Variants in PICK1 observed in about 807,000 individuals in gnomAD.
PICK1 encodes PRKCA-binding protein.
In PICK1, 23 loss-of-function variants were observed where a neutral mutation model predicts 48.9. The ratio of observed to expected loss-of-function variants is 0.47; its 90% confidence interval spans 0.34 to 0.67. The LOEUF (loss-of-function observed/expected upper bound fraction) is 0.67, where lower values mean the gene tolerates loss of function less well. Ranked by LOEUF, PICK1 falls within the 30% of genes least tolerant of loss-of-function variation. The pLI is 0.01. For missense variants in PICK1, 423 were observed against 557.1 expected, an observed-to-expected ratio of 0.76 and a Z score of 2.42; for synonymous variants, 217 against 228.2, an observed-to-expected ratio of 0.95 and a Z score of 0.44.
chr22:38,067,629 C>A, intron 4 of PICK1, 75 bp from the exon 5 acceptor site: 5 of 1,353,222 alleles, frequency 3.7e-6, no homozygotes, highest in Non-Finnish European at 5.3e-6. Flanking sequence ...GAGTCTCAGT[C>A]CAGAACAGTC....
At position 38,073,944 on chromosome 22, in the gene PICK1, G is replaced by C; in HGVS notation, c.834+121G>C. The C allele has an allele frequency of 1.9e-6, 2 of 1,028,856 alleles. No homozygotes were observed. The highest frequency in any genetic ancestry group is 1.5e-6 in the Non-Finnish European group (1 of 663,056). The allele number at this position is 1,028,856 out of a possible 1,614,324, so 63.7% of individuals were successfully genotyped here. Reference sequence around the variant, plus strand: ...ACTTGGCTGGACTCTCGTTCCTGGAGATTTAGGGCCATCTTCCCAGTCCCG... The same window carrying C: ...ACTTGGCTGGACTCTCGTTCCTGGACATTTAGGGCCATCTTCCCAGTCCCG... On this transcript the variant is annotated intron_variant, in intron 11 of 12. Transcript: ENST00000356976. This position sits in a 1 kb window ranked among gnomAD's most constrained non-coding sequence, Gnocchi z 5.7.
chr22:38,072,640 G>A (rs746224419), intron 9 of PICK1, 30 bp downstream of exon 9: 1 of 1,611,200 alleles, frequency 6.2e-7, no homozygotes, highest in Non-Finnish European at 8.5e-7. Flanking sequence ...TGTGTGTCTG[G>A]CGTGTGAGGG....
rs749254917 is a variant in PICK1 at position 38,071,646 on chromosome 22, G to A, written c.494-36G>A. 8.1e-6 allele frequency: 13 copies of A among 1,595,378 alleles called. No individual in the cohort carries two copies. In the African/African-American group the frequency reaches 1.2e-4, roughly 15 times the overall value. On this transcript the variant is annotated intron_variant, in intron 7 of 12. Transcript: ENST00000356976. ...CCTGGGCCAGTGTGGTCCCCGCCATGCGTCCCCATTCCGCATCACTCGGTC... is the reference window on the plus strand; with the variant it reads ...CCTGGGCCAGTGTGGTCCCCGCCATACGTCCCCATTCCGCATCACTCGGTC...
chr22:38,067,203 G>C (rs546687564), intron 4 of PICK1, among the ~76,000 whole-genome samples: 51 of 152,248 alleles, frequency 3.3e-4, no homozygotes, highest in Non-Finnish European at 7.1e-4. Flanking sequence ...TGATTCCCCA[G>C]GGCTTGGATG....
intron 4 of PICK1, 106 bp downstream of exon 4, chr22:38,065,236 C>A: frequency 9.1e-7 from 1 of 1,101,222 alleles, no homozygotes; most frequent in Non-Finnish European, 1.4e-6. Flanking sequence ...TCAGCCCTCA[C>A]CGCCCCCTTC....
intron 2 of PICK1, 122 bp downstream of exon 2, chr22:38,057,972 G>A: frequency 1.2e-6 from 1 of 808,308 alleles, no homozygotes; most frequent in Non-Finnish European, 2.2e-6. Flanking sequence ...TACTGAAGCA[G>A]CAATGGACCC....
chr22:38,070,083 C>G (rs557868749), intron 6 of PICK1, among the ~76,000 whole-genome samples: 2 of 152,206 alleles, frequency 1.3e-5, no homozygotes, highest in Non-Finnish European at 2.9e-5. Context: ...GAATTGCTCC[C>G]TTCCTTCCCC....
chr22:38,058,598 T>C (rs1481539541), intron 2 of PICK1, among the ~76,000 whole-genome samples: 1 of 152,172 alleles, frequency 6.6e-6, no homozygotes, highest in African/African-American at 2.4e-5. Context: ...GTGCCTGCTA[T>C]GGACTGGGTT....
chr22:38,064,597 A>G (rs1351329727), intron 3 of PICK1, among the ~76,000 whole-genome samples: 3 of 151,994 alleles, frequency 2.0e-5, no homozygotes, highest in African/African-American at 4.8e-5. Flanking sequence ...CCCTGTCTCT[A>G]CTAAAGATAC....
intron 3 of PICK1, among the ~76,000 whole-genome samples, chr22:38,063,735 C>G (rs2145864007): frequency 6.7e-6 from 1 of 148,608 alleles, no homozygotes. Flanking sequence ...CTCTGTTTCC[C>G]AGGCTCAAGC....
chr22:38,062,303 A>T (rs1373638508), intron 3 of PICK1, among the ~76,000 whole-genome samples: 7 of 149,944 alleles, frequency 4.7e-5, no homozygotes, highest in African/African-American at 1.5e-4. Flanking sequence ...GCTGGAGTGC[A>T]ATGGCGTGAT....
rs760051335 is a variant in PICK1, at chr22:38,074,289, G to T, written c.835-18G>T. 3.1e-6 allele frequency: 5 copies of T among 1,612,154 alleles called. No individual in the cohort carries two copies. The South Asian group carries it at 3.3e-5, about 11-fold the overall frequency. ...AGGCCGTCCCTGAGCAGGCACTCCT[G>T]TCCCACCCCCGCCCCAGGCCCTAGG... On this transcript the variant is annotated intron_variant, in intron 11 of 12. Coordinates refer to ENST00000356976, the MANE Select transcript of PICK1 (RefSeq NM_012407.4). The surrounding 1 kb of genome is among the most constrained non-coding windows in gnomAD (Gnocchi z 4.5).
rs1346016450 is a variant in PICK1, at chr22:38,066,026, C to T, written c.282+896C>T. On this transcript the variant is annotated intron_variant, in intron 4 of 12. Coordinates refer to ENST00000356976, the MANE Select transcript of PICK1 (RefSeq NM_012407.4). The surrounding 1 kb of genome is among the most constrained non-coding windows in gnomAD (Gnocchi z 4.1). ...TGCTCCATCCTCTCTCCCCTTTATC[C>T]TCCTGTCCTGCTCCTGAGTAGTCCG... Among the ~76,000 whole-genome samples the T allele has an allele frequency of 1.3e-5, 2 of 152,206 alleles. No homozygotes were observed. Among genetic ancestry groups the T allele is most frequent in the Non-Finnish European group, 2.9e-5 (2 of 68,040 alleles).
intron 5 of PICK1, chr22:38,068,097 A>G (rs1457039249): frequency 2.0e-6 from 1 of 502,528 alleles, no homozygotes; most frequent in Admixed American, 2.3e-5. Context: ...TCCATGGCCC[A>G]GGGCCTCACT....
chr22:38,074,999 G>T lies in PICK1; in HGVS notation c.1115G>T (p.Gly372Val). The T allele has an allele frequency of 6.2e-7, 1 of 1,613,666 alleles. No homozygotes were observed. Among genetic ancestry groups the T allele is most frequent in the East Asian group, 2.2e-5 (1 of 44,870 alleles). The change falls in exon 13 of 13, where the codon GGC (glycine) becomes GTC (valine). Residue 372 changes from glycine (G) to valine (V), a missense_variant. This residue lies in a region of PICK1 where 144 missense variants were observed against 139.3 expected (regional missense o/e 1.03). Coordinates refer to ENST00000356976, the MANE Select transcript of PICK1 (RefSeq NM_012407.4). This position sits in a 1 kb window ranked among gnomAD's most constrained non-coding sequence, Gnocchi z 4.5. ...VDLAHTTLAYGLNQEEFTDGE... is the reference protein window; with the variant it reads ...VDLAHTTLAYVLNQEEFTDGE... ...CTGGCGCACACCACATTGGCCTATG[G>T]CCTCAACCAGGAGGAGTTCACAGAT...
chr22:38,075,359 C>T lies in PICK1; in HGVS notation c.*227C>T, dbSNP rs1414481349. 5.5e-6 allele frequency: 3 copies of T among 542,078 alleles called. No individual in the cohort carries two copies. The highest frequency in any genetic ancestry group is 3.8e-5 in the African/African-American group (2 of 52,710). The allele number at this position is 542,078 out of a possible 1,614,324, so 33.6% of individuals were successfully genotyped here. On this transcript the variant is annotated 3_prime_UTR_variant, in exon 13 of 13. Transcript: ENST00000356976. ...GGCCCCTCCACCCTCCCTCCCCTCCCGGCTCCCCGGCCAGAGGGAGAGCTT... is the reference window on the plus strand; with the variant it reads ...GGCCCCTCCACCCTCCCTCCCCTCCTGGCTCCCCGGCCAGAGGGAGAGCTT...
intron 3 of PICK1, among the ~76,000 whole-genome samples, chr22:38,063,325 T>A (rs1197140013): frequency 6.6e-6 from 1 of 151,594 alleles, no homozygotes; most frequent in African/African-American, 2.4e-5. Flanking sequence ...CCTGGCTCAT[T>A]TTTGTATTTT....
In PICK1 at chr22:38,074,272, C is replaced by G; in HGVS notation, c.835-35C>G. On this transcript the variant is annotated intron_variant, in intron 11 of 12. Coordinates refer to ENST00000356976, the MANE Select transcript of PICK1 (RefSeq NM_012407.4). The surrounding 1 kb of genome is among the most constrained non-coding windows in gnomAD (Gnocchi z 4.5). ...AAGCACAGTGCGGTGCGAGGCCGTC[C>G]CTGAGCAGGCACTCCTGTCCCACCC... The G allele has an allele frequency of 6.2e-7, 1 of 1,611,360 alleles. No individual in the cohort carries two copies. Among genetic ancestry groups the G allele is most frequent in the Non-Finnish European group, 8.5e-7 (1 of 1,179,002 alleles).
intron 8 of PICK1, chr22:38,071,965 C>T (rs2085708058): frequency 3.3e-6 from 2 of 607,914 alleles, no homozygotes; most frequent in Admixed American, 5.1e-5. Flanking sequence ...TGTCTCCTCA[C>T]ACTGCCACTG....
Sources: allele counts gnomAD v4.1 joint callset (sites outside exome capture counted in the v4.1 genomes callset), GRCh38; gene constraint gnomAD v4.1.1; regional missense constraint gnomAD v4.1.1; non-coding constraint Gnocchi (gnomAD v3.1); transcripts MANE v1.5; gene names NCBI Gene and HGNC (gene_info 2026-07-23, HGNC 2026-07-21).